MYRIP: variants seen among roughly 807,000 people sequenced by gnomAD.
MYRIP encodes rab effector MyRIP.
MYRIP carries 49 observed loss-of-function variants against 98.0 expected under a neutral mutation model. That is an observed-to-expected ratio of 0.50 (90% CI 0.40 to 0.63). The LOEUF is 0.63. Among genes scored for constraint, MYRIP ranks in the 30% least tolerant of loss-of-function variants. MYRIP has a pLI of 0.00. For synonymous variants in MYRIP, 404 were observed against 409.5 expected (o/e 0.99, Z 0.16); for missense variants, 1,004 against 1,058.2 (o/e 0.95, Z 0.71).
At chr3:40,119,514 A>C (rs1949353242) in intron 3 of MYRIP, among the ~76,000 whole-genome samples, 1 of 152,174 alleles carries the variant, frequency 6.6e-6, no homozygotes, top group African/African-American at 2.4e-5. Context: ...TGGAGACGGG[A>C]ACTGGAGGTG....
At chr3:40,233,577 G>A (rs181055554) in intron 11 of MYRIP, among the ~76,000 whole-genome samples, 68 of 152,280 alleles carry the variant, frequency 4.5e-4, no homozygotes, top group African/African-American at 1.5e-3. Flanking sequence ...GCAGTGAGCA[G>A]AGGACATACA....
At chr3:40,136,884 G>A (rs1462033116) in intron 3 of MYRIP, among the ~76,000 whole-genome samples, 1 of 152,208 alleles carries the variant, frequency 6.6e-6, no homozygotes, top group African/African-American at 2.4e-5. Context: ...ATTCAAAGCA[G>A]TGTGTAGAGG....
Position 40,247,914 on chromosome 3 carries a change from A to G in MYRIP, c.2263-2308A>G, listed in dbSNP as rs150028175. 3.2e-3 allele frequency among the ~76,000 whole-genome samples: 485 copies of G among 152,330 alleles called. 4 individuals carry two copies. Among genetic ancestry groups the G allele is most frequent in the African/African-American group, 0.01 (436 of 41,578 alleles). On this transcript the variant is annotated intron_variant, in intron 13 of 16. Transcript: ENST00000302541. ...TACACGCACTTGCCTAGGTGTCCTT[A>G]ACTTGCATGGCATGGGAGGTTGTTG...
intron 3 of MYRIP, among the ~76,000 whole-genome samples, chr3:40,143,239 T>A (rs1949944507): frequency 6.6e-6 from 1 of 152,078 alleles, no homozygotes; most frequent in Non-Finnish European, 1.5e-5. Flanking sequence ...AATAAATGAG[T>A]CCATGCACAG....
At chr3:39,877,359 G>A (rs4607044) in intron 1 of MYRIP, among the ~76,000 whole-genome samples, 48,614 of 151,560 alleles carry the variant, frequency 0.32, 7,890 homozygotes, top group Middle Eastern at 0.45. Context: ...GTCATTCTCC[G>A]TCCAGCTTTG....
chr3:40,081,010 A>T (rs890317310), intron 3 of MYRIP, among the ~76,000 whole-genome samples: 5 of 151,984 alleles, frequency 3.3e-5, no homozygotes, highest in African/African-American at 7.2e-5. Context: ...TGTGTTATCT[A>T]AAAACACATT....
intron 2 of MYRIP, among the ~76,000 whole-genome samples, chr3:40,008,779 T>C (rs1946689715): frequency 6.6e-6 from 1 of 152,202 alleles, no homozygotes; most frequent in Non-Finnish European, 1.5e-5. Flanking sequence ...AAGAGTGATA[T>C]TGCTGAAAGA....
chr3:40,094,420 T>C (rs940018950), intron 3 of MYRIP, among the ~76,000 whole-genome samples: 1 of 152,228 alleles, frequency 6.6e-6, no homozygotes, highest in Non-Finnish European at 1.5e-5. Flanking sequence ...CCCTAACTCC[T>C]CAGTCTTGCC....
intron 3 of MYRIP, among the ~76,000 whole-genome samples, chr3:40,116,443 C>A (rs1294687401): frequency 2.6e-5 from 4 of 152,196 alleles, no homozygotes; most frequent in African/African-American, 9.6e-5. Flanking sequence ...TAACTCCCTG[C>A]CATCCTATTT....
At chr3:40,200,126 C>CTTTCTTTT (rs1951511590) in intron 10 of MYRIP, among the ~76,000 whole-genome samples, 1 of 141,594 alleles carries the variant, frequency 7.1e-6, no homozygotes, top group Non-Finnish European at 1.6e-5. Flanking sequence ...CTTACATTTT[C>CTTTCTTTT]TTTTTATCAT....
intron 11 of MYRIP, among the ~76,000 whole-genome samples, chr3:40,228,524 C>A (rs1952556126): frequency 6.6e-6 from 1 of 152,188 alleles, no homozygotes; most frequent in African/African-American, 2.4e-5. Flanking sequence ...CGCCACTGCC[C>A]CTGTTTCTTG....
chr3:39,911,441 A>G (rs1944019292), intron 2 of MYRIP, among the ~76,000 whole-genome samples: 1 of 152,218 alleles, frequency 6.6e-6, no homozygotes. Flanking sequence ...TATGGCTCCA[A>G]GTTCCTGATC....
chr3:40,014,074 T>A (rs1278307499), intron 2 of MYRIP, among the ~76,000 whole-genome samples: 1 of 152,222 alleles, frequency 6.6e-6, no homozygotes, highest in Non-Finnish European at 1.5e-5. Context: ...GTATACTTGA[T>A]GTTTAGGAGG....
At chr3:39,872,920 T>C (rs1430969151) in intron 1 of MYRIP, among the ~76,000 whole-genome samples, 4 of 152,196 alleles carry the variant, frequency 2.6e-5, no homozygotes, top group African/African-American at 9.6e-5. Context: ...CACACTGACT[T>C]CCACAATGGT....
chr3:40,012,280 G>A (rs1178937179), intron 2 of MYRIP, among the ~76,000 whole-genome samples: 2 of 152,130 alleles, frequency 1.3e-5, no homozygotes, highest in East Asian at 1.9e-4. Context: ...CCAGATAACC[G>A]ACTGGTGGCT....
At position 40,045,971 on chromosome 3, in the gene MYRIP, GA is replaced by G. The variant is rs941245935; in HGVS notation, c.332+1706del. ...TGGGAGTACTTGATAGAGAAAATTGGAAAAAATGAAAATTCTATATAGAGAA... is the reference window on the plus strand; with the variant it reads ...TGGGAGTACTTGATAGAGAAAATTGGAAAAATGAAAATTCTATATAGAGAA... On this transcript the variant is annotated intron_variant, in intron 3 of 16. Coordinates refer to ENST00000302541, the MANE Select transcript of MYRIP (RefSeq NM_015460.4). Among the ~76,000 whole-genome samples the G allele has an allele frequency of 3.0e-4, 46 of 152,118 alleles. 1 individual carries two copies. The highest frequency in any genetic ancestry group is 2.4e-3 in the Admixed American group (37 of 15,282).
chr3:40,061,658 A>G (rs1440296450), intron 3 of MYRIP, among the ~76,000 whole-genome samples: 3 of 152,222 alleles, frequency 2.0e-5, no homozygotes, highest in Admixed American at 6.5e-5. Context: ...AGGAATTGCC[A>G]TACTGCTTTC....
chr3:39,825,772 C>T (rs942180494), intron 1 of MYRIP, among the ~76,000 whole-genome samples: 2 of 152,138 alleles, frequency 1.3e-5, no homozygotes, highest in African/African-American at 2.4e-5. Context: ...TATTCTTTAA[C>T]AGTTTGGTAG....
rs896678159 is a variant in MYRIP, at chr3:40,138,731, AT to A, written c.333-12316del. On this transcript the variant is annotated intron_variant, in intron 3 of 16. Transcript: ENST00000302541. ...AGTACATAGTGATATTTTGATACAT[AT>A]CACATGCAGTGATCAGATCTGGGTA... Among the ~76,000 whole-genome samples the A allele has an allele frequency of 9.1e-4, 139 of 152,334 alleles. 1 individual carries two copies. Among genetic ancestry groups the A allele is most frequent in the African/African-American group, 3.3e-3 (136 of 41,572 alleles).
Sources: gnomAD v4.1 joint callset for allele counts (sites outside exome capture counted in the v4.1 genomes callset) on GRCh38, gnomAD v4.1.1 for gene constraint, MANE v1.5 for transcripts, NCBI Gene and HGNC (gene_info 2026-07-23, HGNC 2026-07-21) for gene names.